The following RHBDL1 variants were observed in gnomAD, a reference collection of about 807,000 sequenced individuals.
The protein encoded by RHBDL1 is rhomboid like 1.
Under a neutral mutation model 34.0 loss-of-function variants are expected in RHBDL1, and 21 were observed. That is an observed-to-expected ratio of 0.62 (90% CI 0.44 to 0.89). The LOEUF is 0.89. Among genes scored for constraint, RHBDL1 ranks in the 40% least tolerant of loss-of-function variants. RHBDL1 has a pLI of 0.00. For missense variants in RHBDL1, 450 were observed against 530.6 expected, an observed-to-expected ratio of 0.85 and a Z score of 1.49; for synonymous variants, 268 against 234.8, an observed-to-expected ratio of 1.14 and a Z score of -1.29.
In RHBDL1 at chr16:676,163, G is replaced by T; in HGVS notation, c.40-173G>T. The T allele has an allele frequency of 9.4e-6, 14 of 1,483,086 alleles. No homozygotes were observed. The highest frequency in any genetic ancestry group is 1.1e-5 in the Non-Finnish European group (12 of 1,113,562). 91.9% of individuals were successfully genotyped at this position (1,483,086 alleles called of 1,614,324 possible). A position where few individuals can be genotyped will look rare whatever the true frequency, so the allele number is the denominator to read the frequency against. On this transcript the variant is annotated intron_variant, in intron 1 of 7. Transcript: ENST00000352681. The surrounding 1 kb of genome is among the most constrained non-coding windows in gnomAD (Gnocchi z 6.9). ...CTGGAGGACTGGGACCCAGGCACCA[G>T]TGCCCTGCCAGCTCCTGGGATCAAG...
rs1454764834 is a variant in RHBDL1 at position 677,090 on chromosome 16, C to G, written c.546C>G (p.Arg182=). 1 of 1,612,624 alleles carries G rather than the reference C, an allele frequency of 6.2e-7. No homozygotes were observed. The highest frequency in any genetic ancestry group is 1.1e-5 in the South Asian group (1 of 91,060). ...YHPGHRARAW[R]FLTYMFMHVG... ...CCGGGCACCGTGCCCGCGCCTGGCG[C>G]TTCCTCACCTACATGTTCATGCACG... Residue 182 remains arginine (R), a synonymous_variant, in exon 4 of 8, where the codon CGC becomes CGG. Transcript: ENST00000352681.
At position 678,243 on chromosome 16, in the gene RHBDL1, A is replaced by G; in HGVS notation, c.*191A>G. On this transcript the variant is annotated 3_prime_UTR_variant, in exon 8 of 8. Transcript: ENST00000352681. ...GGACTTGCGGTCTGAGCCTTTTTGGATAATTAATAAATATTTTACACAGCA... is the reference window on the plus strand; with the variant it reads ...GGACTTGCGGTCTGAGCCTTTTTGGGTAATTAATAAATATTTTACACAGCA... 7.4e-7 allele frequency: 1 copy of G among 1,352,806 alleles called. No individual in the cohort carries two copies. Among genetic ancestry groups the G allele is most frequent in the Admixed American group, 3.5e-5 (1 of 28,630 alleles). 83.8% of individuals were successfully genotyped at this position (1,352,806 alleles called of 1,614,324 possible).
rs778264422 is a variant in RHBDL1 at position 675,833 on chromosome 16, C to T, written c.39+4C>T. ...GCTGCAGCTCATCCAGGAGCAGGTG[C>T]GTCGGGGGGTGGTCTGGGGAGCTGG... On this transcript the variant is annotated splice_donor_region_variant and intron_variant, in intron 1 of 7. Coordinates refer to ENST00000352681, the MANE Select transcript of RHBDL1 (RefSeq NM_001278720.2). The T allele has an allele frequency of 2.0e-6, 3 of 1,515,052 alleles. No individual in the cohort carries two copies. The highest frequency in any genetic ancestry group is 1.8e-6 in the Non-Finnish European group (2 of 1,134,294). The allele number at this position is 1,515,052 out of a possible 1,614,324, so 93.9% of individuals were successfully genotyped here. A position where few individuals can be genotyped will look rare whatever the true frequency, so the allele number is the denominator to read the frequency against.
chr16:676,210 G>A lies in RHBDL1; in HGVS notation c.40-126G>A, dbSNP rs1431613735. The A allele has an allele frequency of 6.5e-7, 1 of 1,536,498 alleles. No homozygotes were observed. Among genetic ancestry groups the A allele is most frequent in the Admixed American group, 2.0e-5 (1 of 49,284 alleles). On this transcript the variant is annotated intron_variant, in intron 1 of 7. Transcript: ENST00000352681. This position sits in a 1 kb window ranked among gnomAD's most constrained non-coding sequence, Gnocchi z 6.9. ...CAAGCAGGGTCCCAGGGAACAGACA[G>A]GCACGGGGCCCCTGTCCCAAAAGTG... is the stretch of plus-strand genomic sequence containing the variant.
rs755618942 is a variant in RHBDL1 at position 678,010 on chromosome 16, C to G, written c.1080C>G (p.Phe360Leu). ...FLLFAVFWNV[F>L]AYDLLGAHIP... is the part of the protein sequence containing the mutation. ...TCTTCGCCGTCTTCTGGAACGTCTT[C>G]GCCTACGACCTGCTGGGCGCCCACA... Residue 360 changes from phenylalanine (F) to leucine (L), a missense_variant, in exon 8 of 8, where the codon TTC becomes TTG. Phe to Leu is a conservative substitution (Grantham distance 22, BLOSUM62 0). Coordinates refer to ENST00000352681, the MANE Select transcript of RHBDL1 (RefSeq NM_001278720.2). 1 of 1,592,098 alleles carries G rather than the reference C, an allele frequency of 6.3e-7. No individual in the cohort carries two copies. Among genetic ancestry groups the G allele is most frequent in the Admixed American group, 1.7e-5 (1 of 59,422 alleles).
Position 676,551 on chromosome 16 carries a change from C to T in RHBDL1, c.201+54C>T, listed in dbSNP as rs571050303. On this transcript the variant is annotated intron_variant, in intron 2 of 7. Transcript: ENST00000352681. This position sits in a 1 kb window ranked among gnomAD's most constrained non-coding sequence, Gnocchi z 6.9. The stretch of plus-strand genomic sequence containing the variant: ...GGCACGGTGTCCTGGCCAGAGGAGG[C>T]GGGCAGGCAGCTCCTCACGGCGGTG... 45 of 1,566,084 alleles carry T rather than the reference C, an allele frequency of 2.9e-5. No homozygotes were observed. The highest frequency in any genetic ancestry group is 6.9e-5 in the Admixed American group (4 of 58,112).
Position 677,082 on chromosome 16 carries a change from G to A in RHBDL1, c.538G>A (p.Ala180Thr). ...GTACCACCCCGGGCACCGTGCCCGC[G>A]CCTGGCGCTTCCTCACCTACATGTT... ...LVYHPGHRAR[A>T]WRFLTYMFMH... The change falls in exon 4 of 8, where the codon GCC (alanine) becomes ACC (threonine). Residue 180 changes from alanine to threonine, a missense_variant. Ala to Thr is a moderately conservative substitution (Grantham distance 58, BLOSUM62 0). Transcript: ENST00000352681. The A allele has an allele frequency of 1.2e-6, 2 of 1,612,736 alleles. No homozygotes were observed. Among genetic ancestry groups the A allele is most frequent in the Non-Finnish European group, 1.7e-6 (2 of 1,179,886 alleles).
rs762146017 is a variant in RHBDL1 at position 678,243 on chromosome 16, ATAAT to A, written c.*196_*199del. The A allele has an allele frequency of 1.2e-4, 159 of 1,352,804 alleles. 2 individuals are homozygous for A. The East Asian group carries it at 1.4e-3, about 12-fold the overall frequency. The allele number at this position is 1,352,804 out of a possible 1,614,324, so 83.8% of individuals were successfully genotyped here. ...GGACTTGCGGTCTGAGCCTTTTTGG[ATAAT>A]TAATAAATATTTTACACAGCACCAG... On this transcript the variant is annotated 3_prime_UTR_variant, in exon 8 of 8. Transcript: ENST00000352681.
chr16:675,762 CCCCGG>C lies in RHBDL1; in HGVS notation c.-28_-24del. 3 of 1,445,362 alleles carry C rather than the reference CCCCGG, an allele frequency of 2.1e-6. No individual in the cohort carries two copies. The South Asian group carries it at 4.0e-5, about 20-fold the overall frequency. The allele number at this position is 1,445,362 out of a possible 1,614,324, so 89.5% of individuals were successfully genotyped here. ...AGCCCCTCCCGGCCGCGGCCGCCGA[CCCCGG>C]ACCCCGGCCCCCGGCCAGGCTCTAT... On this transcript the variant is annotated 5_prime_UTR_variant, in exon 1 of 8. Transcript: ENST00000352681.
In RHBDL1 at chr16:677,746, C is replaced by T. The variant is rs771629674; in HGVS notation, c.851-35C>T. On this transcript the variant is annotated intron_variant, in intron 7 of 7. Coordinates refer to ENST00000352681, the MANE Select transcript of RHBDL1 (RefSeq NM_001278720.2). ...GGCCGGGGGGCCTCTCAGCCTGCAG[C>T]CAGGGCACCTCCCACCTGCCGCGTC... 2.0e-6 allele frequency: 3 copies of T among 1,521,814 alleles called. No homozygotes were observed. The South Asian group carries it at 3.9e-5, about 20-fold the overall frequency. 94.3% of individuals were successfully genotyped at this position (1,521,814 alleles called of 1,614,324 possible).
Position 677,449 on chromosome 16 carries a change from G to C in RHBDL1, c.689-10G>C. ...CCGGCTGCACCCTCACCCGCCGCTT[G>C]CTCACACAGGCTCCCTAACCGTCTC... On this transcript the variant is annotated splice_polypyrimidine_tract_variant and intron_variant, in intron 5 of 7. Coordinates refer to ENST00000352681, the MANE Select transcript of RHBDL1 (RefSeq NM_001278720.2). 4 of 1,602,188 alleles carry C rather than the reference G, an allele frequency of 2.5e-6. No individual in the cohort carries two copies. Among genetic ancestry groups the C allele is most frequent in the Non-Finnish European group, 3.4e-6 (4 of 1,177,466 alleles).
chr16:676,822 G>A lies in RHBDL1; in HGVS notation c.352G>A (p.Asp118Asn), dbSNP rs779977220. ...CTACGAGATCCTGCCTTGTGAGGTG[G>A]ACCGCCGCTGGTACTTCTACCGTCA... is the stretch of plus-strand genomic sequence containing the variant. ...VAYEILPCEV[D>N]RRWYFYRHRS... The change falls in exon 3 of 8, where the codon GAC becomes AAC. Residue 118 changes from aspartate (D) to asparagine (N), a missense_variant. By Grantham distance (23) the Asp-to-Asn change is conservative. Transcript: ENST00000352681. This position sits in a 1 kb window ranked among gnomAD's most constrained non-coding sequence, Gnocchi z 6.9. 2 of 1,611,472 alleles carry A rather than the reference G, an allele frequency of 1.2e-6. No homozygotes were observed. Among genetic ancestry groups the A allele is most frequent in the Non-Finnish European group, 1.7e-6 (2 of 1,179,616 alleles).
Position 676,294 on chromosome 16 carries a change from C to T in RHBDL1, c.40-42C>T, listed in dbSNP as rs1021135609. ...TGGCCCAGCCCTTTGGTCCAGGGGT[C>T]GGGCCCGCACTCAGGCCTTGGCTGG... On this transcript the variant is annotated intron_variant, in intron 1 of 7. Coordinates refer to ENST00000352681, the MANE Select transcript of RHBDL1 (RefSeq NM_001278720.2). This position sits in a 1 kb window ranked among gnomAD's most constrained non-coding sequence, Gnocchi z 6.9. 2.3e-5 allele frequency: 37 copies of T among 1,592,816 alleles called. No individual in the cohort carries two copies. Among genetic ancestry groups the T allele is most frequent in the East Asian group, 4.6e-5 (2 of 43,772 alleles).
chr16:676,126 A>G lies in RHBDL1; in HGVS notation c.40-210A>G. On this transcript the variant is annotated intron_variant, in intron 1 of 7. Coordinates refer to ENST00000352681, the MANE Select transcript of RHBDL1 (RefSeq NM_001278720.2). This position sits in a 1 kb window ranked among gnomAD's most constrained non-coding sequence, Gnocchi z 6.9. Reference sequence around the variant, plus strand: ...GATGGGTAGGGTGGAAGACGGGGGAACAACTGAGGAGCTGGAGGACTGGGA... The same window carrying G: ...GATGGGTAGGGTGGAAGACGGGGGAGCAACTGAGGAGCTGGAGGACTGGGA... The G allele has an allele frequency of 6.9e-7, 1 of 1,456,056 alleles. No homozygotes were observed. Among genetic ancestry groups the G allele is most frequent in the Non-Finnish European group, 9.1e-7 (1 of 1,100,300 alleles). The allele number at this position is 1,456,056 out of a possible 1,614,324, so 90.2% of individuals were successfully genotyped here.
intron 1 of RHBDL1, 167 bp downstream of exon 1, chr16:675,996 G>A: frequency 7.3e-7 from 1 of 1,369,458 alleles, no homozygotes; most frequent in South Asian, 1.5e-5. Flanking sequence ...AGGACTGACT[G>A]GACCAGAGCT....
chr16:678,153 T>C lies in RHBDL1; in HGVS notation c.*101T>C. 2.1e-6 allele frequency: 3 copies of C among 1,416,020 alleles called. No homozygotes were observed. Among genetic ancestry groups the C allele is most frequent in the Non-Finnish European group, 2.7e-6 (3 of 1,091,316 alleles). The allele number at this position is 1,416,020 out of a possible 1,614,324, so 87.7% of individuals were successfully genotyped here. On this transcript the variant is annotated 3_prime_UTR_variant, in exon 8 of 8. Coordinates refer to ENST00000352681, the MANE Select transcript of RHBDL1 (RefSeq NM_001278720.2). The stretch of plus-strand genomic sequence containing the variant: ...TTGTGAACGGACGTCTCAGGGCTGC[T>C]GTGCCCCTTGGGTGTGGGTGGCCTC...
At position 677,361 on chromosome 16, in the gene RHBDL1, C is replaced by G. The variant is rs1384668619; in HGVS notation, c.661C>G (p.Leu221Val). The G allele has an allele frequency of 5.7e-6, 9 of 1,574,860 alleles. No individual in the cohort carries two copies. Among genetic ancestry groups the G allele is most frequent in the South Asian group, 2.3e-5 (2 of 86,696 alleles). ...EMVHGLLRIS[L>V]LYLAGVLAGS... ...GGTGCACGGCCTGCTCCGCATCAGC[C>G]TGCTCTACCTGGCAGGCGTGCTGGC... The change falls in exon 5 of 8, where the codon CTG (leucine) becomes GTG (valine). Residue 221 changes from leucine to valine, a missense_variant. Coordinates refer to ENST00000352681, the MANE Select transcript of RHBDL1 (RefSeq NM_001278720.2).
At position 675,833 on chromosome 16, in the gene RHBDL1, C is replaced by G; in HGVS notation, c.39+4C>G. The G allele has an allele frequency of 6.6e-7, 1 of 1,515,052 alleles. No homozygotes were observed. Among genetic ancestry groups the G allele is most frequent in the Non-Finnish European group, 8.8e-7 (1 of 1,134,294 alleles). The allele number at this position is 1,515,052 out of a possible 1,614,324, so 93.9% of individuals were successfully genotyped here. A position where few individuals can be genotyped will look rare whatever the true frequency, so the allele number is the denominator to read the frequency against. On this transcript the variant is annotated splice_donor_region_variant and intron_variant, in intron 1 of 7. Coordinates refer to ENST00000352681, the MANE Select transcript of RHBDL1 (RefSeq NM_001278720.2). Reference sequence around the variant, plus strand: ...GCTGCAGCTCATCCAGGAGCAGGTGCGTCGGGGGGTGGTCTGGGGAGCTGG... The same window carrying G: ...GCTGCAGCTCATCCAGGAGCAGGTGGGTCGGGGGGTGGTCTGGGGAGCTGG...
In RHBDL1 at chr16:675,785, G is replaced by C; in HGVS notation, c.-6G>C. Reference sequence around the variant, plus strand: ...GACCCCGGACCCCGGCCCCCGGCCAGGCTCTATGGACAGGAGCTCGCTGCT... The same window carrying C: ...GACCCCGGACCCCGGCCCCCGGCCACGCTCTATGGACAGGAGCTCGCTGCT... On this transcript the variant is annotated 5_prime_UTR_variant, in exon 1 of 8. Transcript: ENST00000352681. 2 of 1,475,836 alleles carry C rather than the reference G, an allele frequency of 1.4e-6. No individual in the cohort carries two copies. The highest frequency in any genetic ancestry group is 1.4e-5 in the African/African-American group (1 of 69,164). 91.4% of individuals were successfully genotyped at this position (1,475,836 alleles called of 1,614,324 possible). A position where few individuals can be genotyped will look rare whatever the true frequency, so the allele number is the denominator to read the frequency against.
Sources: gnomAD v4.1 joint callset for allele counts on GRCh38, gnomAD v4.1.1 for gene constraint, Gnocchi (gnomAD v3.1) non-coding constraint, MANE v1.5 for transcripts, NCBI Gene and HGNC (gene_info 2026-07-23, HGNC 2026-07-21) for gene names.